ZRSR2: variants seen among roughly 807,000 people sequenced by gnomAD.
The protein encoded by ZRSR2 is U2 small nuclear ribonucleoprotein auxiliary factor 35 kDa subunit-related protein 2.
A neutral mutation model predicts 39.4 loss-of-function variants in ZRSR2; 3 were observed. That is an observed-to-expected ratio of 0.08 (90% CI 0.03 to 0.20). The LOEUF is 0.20. ZRSR2 is among the 10% of genes least tolerant of loss of function. The pLI, the probability that ZRSR2 is intolerant of heterozygous loss-of-function variation, is 1.00. For missense variants in ZRSR2, 256 were observed against 391.5 expected (o/e 0.65, Z 2.92); for synonymous variants, 137 against 136.0 (o/e 1.01, Z -0.05).
chrX:15,794,676 G>A (rs1208654040), intron 2 of ZRSR2, among the ~76,000 whole-genome samples: 1 of 111,558 alleles, frequency 9.0e-6, no homozygotes, highest in Non-Finnish European at 1.9e-5. Flanking sequence ...TGGAAGAGGT[G>A]GAGGAGGTAG....
chrX:15,790,507 C>T lies in ZRSR2; in HGVS notation c.12C>T (p.Pro4=). The part of the protein sequence containing the change: MAA[P]EKMTFPEKPS... ...GCGGTGCCGGCAAGATGGCTGCGCC[C>T]GAGAAGATGACGTTTCCCGAGAAAC... Residue 4 remains proline, a synonymous_variant, in exon 1 of 11, where the codon CCC becomes CCT. Coordinates refer to ENST00000307771, the MANE Select transcript of ZRSR2 (RefSeq NM_005089.4). 2 of 1,159,498 alleles carry T rather than the reference C, an allele frequency of 1.7e-6. No individual in the cohort carries two copies. Among genetic ancestry groups the T allele is most frequent in the Non-Finnish European group, 2.3e-6 (2 of 871,015 alleles).
At chrX:15,804,313 GA>G in intron 5 of ZRSR2, 116 bp downstream of exon 5, 1 of 1,053,722 alleles carries the variant, frequency 9.5e-7, no homozygotes, top group Non-Finnish European at 1.2e-6. Context: ...TGTTTGGAAA[GA>G]ATCATATTTC....
chrX:15,796,863 G>A (rs1183931057), intron 2 of ZRSR2, among the ~76,000 whole-genome samples: 2 of 98,703 alleles, frequency 2.0e-5, no homozygotes, highest in Non-Finnish European at 4.0e-5. Flanking sequence ...GTGCAATTTC[G>A]GCTCACTGCA....
At chrX:15,790,826 C>A in intron 1 of ZRSR2, 108 bp from the exon 2 acceptor site, 1 of 787,956 alleles carries the variant, frequency 1.3e-6, no homozygotes, top group Non-Finnish European at 1.9e-6. Context: ...CAAGGTTTCT[C>A]TCCTCAGCAC....
At chrX:15,795,093 C>A (rs1278333540) in intron 2 of ZRSR2, among the ~76,000 whole-genome samples, 16 of 85,443 alleles carry the variant, frequency 1.9e-4, no homozygotes, top group African/African-American at 6.9e-4. Flanking sequence ...ACTTTTCCCC[C>A]CCCCCCATAT....
intron 2 of ZRSR2, among the ~76,000 whole-genome samples, chrX:15,793,144 C>G (rs1335392008): frequency 2.7e-5 from 3 of 111,916 alleles, no homozygotes; most frequent in Non-Finnish European, 5.6e-5. Context: ...GTCTCTCCCC[C>G]CTTGAAATTT....
intron 2 of ZRSR2, among the ~76,000 whole-genome samples, chrX:15,795,120 G>T (rs79523084): frequency 0.31 from 28,221 of 89,889 alleles, 4,035 homozygotes; most frequent in East Asian, 0.64. Flanking sequence ...TCTCTTTCAC[G>T]ATTTCCTTGA....
chrX:15,817,427 G>A (rs1414459209), intron 8 of ZRSR2, among the ~76,000 whole-genome samples: 2 of 111,477 alleles, frequency 1.8e-5, no homozygotes, highest in African/African-American at 3.3e-5. Flanking sequence ...GAACATAAAC[G>A]CTAAACACTA....
At chrX:15,793,386 C>G (rs1400664161) in intron 2 of ZRSR2, among the ~76,000 whole-genome samples, 2 of 111,149 alleles carry the variant, frequency 1.8e-5, no homozygotes, top group African/African-American at 6.6e-5. Flanking sequence ...TTTTAATGGA[C>G]TAAATCCAGG....
At chrX:15,801,481 T>A in intron 3 of ZRSR2, 1 of 230,349 alleles carries the variant, frequency 4.3e-6, no homozygotes, top group Non-Finnish European at 8.5e-6. Flanking sequence ...TCTGCCCGCC[T>A]CGGCCTCACA....
intron 2 of ZRSR2, among the ~76,000 whole-genome samples, chrX:15,799,342 AT>A (rs1466648594): frequency 9.1e-6 from 1 of 110,454 alleles, no homozygotes; most frequent in African/African-American, 3.3e-5. Context: ...CTTTGTCTAA[AT>A]TTTTACAGTG....
At chrX:15,795,099 C>G (rs1438201243) in intron 2 of ZRSR2, among the ~76,000 whole-genome samples, 1 of 67,896 alleles carries the variant, frequency 1.5e-5, no homozygotes, top group Admixed American at 2.1e-4. Context: ...CCCCCCCCCC[C>G]ATATTTACAA....
At chrX:15,821,480 GT>G (rs1175364832) in intron 10 of ZRSR2, among the ~76,000 whole-genome samples, 3 of 111,258 alleles carry the variant, frequency 2.7e-5, no homozygotes, top group African/African-American at 9.8e-5. Flanking sequence ...TTATTATTGA[GT>G]TGTAAGAGTT....
intron 2 of ZRSR2, among the ~76,000 whole-genome samples, chrX:15,793,038 T>C (rs1932332944): frequency 8.9e-6 from 1 of 111,959 alleles, no homozygotes; most frequent in African/African-American, 3.2e-5. Context: ...TTCTGTCTTA[T>C]TAGTTGAAAA....
At chrX:15,791,653 C>CTTTTTTTTTTT (rs144343422) in intron 2 of ZRSR2, among the ~76,000 whole-genome samples, 9 of 60,857 alleles carry the variant, frequency 1.5e-4, no homozygotes, top group Admixed American at 2.3e-4. Context: ...CTTTTCTTTT[C>CTTTTTTTTTTT]TTTTTTTTTT....
chrX:15,791,222 C>T (rs907983345), intron 2 of ZRSR2, among the ~76,000 whole-genome samples: 2 of 111,878 alleles, frequency 1.8e-5, no homozygotes, highest in Non-Finnish European at 3.8e-5. Context: ...GGTGAATGAT[C>T]GCCCACTGAT....
chrX:15,791,375 C>T (rs1415022089), intron 2 of ZRSR2, among the ~76,000 whole-genome samples: 1 of 112,218 alleles, frequency 8.9e-6, no homozygotes, highest in African/African-American at 3.2e-5. Context: ...ATTAATTAGA[C>T]GTTTTGCAAG....
intron 8 of ZRSR2, 92 bp from the exon 9 acceptor site, chrX:15,818,495 T>C (rs1223649481): frequency 1.2e-6 from 1 of 810,219 alleles, no homozygotes; most frequent in African/African-American, 2.0e-5. Context: ...GGTAACTACT[T>C]TGGGGAATGT....
rs375469968 is a variant in ZRSR2, at chrX:15,803,672, A to G, written c.204-16A>G. The G allele has an allele frequency of 1.8e-5, 22 of 1,191,270 alleles. No homozygotes were observed. The highest frequency in any genetic ancestry group is 2.5e-5 in the Non-Finnish European group (22 of 884,300). ...ATGCCCATTTCTTTTATCTGATTAC[A>G]TCATTATACTGATAGGCAAAGATTA... is the stretch of plus-strand genomic sequence containing the variant. On this transcript the variant is annotated splice_polypyrimidine_tract_variant and intron_variant, in intron 3 of 10. Coordinates refer to ENST00000307771, the MANE Select transcript of ZRSR2 (RefSeq NM_005089.4).
Sources: gnomAD v4.1 joint callset for allele counts (sites outside exome capture counted in the v4.1 genomes callset) on GRCh38, gnomAD v4.1.1 for gene constraint, MANE v1.5 for transcripts, NCBI Gene and HGNC (gene_info 2026-07-23, HGNC 2026-07-21) for gene names.